Variants in PLEKHA7 observed in about 807,000 individuals in gnomAD.
PLEKHA7 encodes pleckstrin homology domain-containing family A member 7.
In PLEKHA7, 104 loss-of-function variants were observed where a neutral mutation model predicts 170.0. That is an observed-to-expected ratio of 0.61 (90% CI 0.52 to 0.72). PLEKHA7 has a LOEUF of 0.72. Ranked by LOEUF, PLEKHA7 falls within the 30% of genes least tolerant of loss-of-function variation. The pLI, the probability that PLEKHA7 is intolerant of heterozygous loss-of-function variation, is 0.00. For synonymous variants in PLEKHA7, 648 were observed against 660.8 expected (o/e 0.98, Z 0.30); for missense variants, 1,615 against 1,671.7 (o/e 0.97, Z 0.59).
At chr11:16,893,103 T>C (rs190452846) in intron 3 of PLEKHA7, among the ~76,000 whole-genome samples, 2 of 152,380 alleles carry the variant, frequency 1.3e-5, no homozygotes, top group African/African-American at 4.8e-5. Flanking sequence ...GAGTAACTGC[T>C]TGTAATATTT....
chr11:16,962,358 G>A (rs1862115139), intron 3 of PLEKHA7, among the ~76,000 whole-genome samples: 1 of 152,182 alleles, frequency 6.6e-6, no homozygotes, highest in Non-Finnish European at 1.5e-5. Context: ...AGCAGTAAGT[G>A]CCCAATATCT....
At chr11:16,829,985 T>A (rs1850980308) in intron 9 of PLEKHA7, among the ~76,000 whole-genome samples, 1 of 151,992 alleles carries the variant, frequency 6.6e-6, no homozygotes, top group Non-Finnish European at 1.5e-5. Context: ...TTCTTTTTTT[T>A]TTTCTTTTTC....
chr11:17,013,801 C>T (rs1167201644), intron 3 of PLEKHA7, among the ~76,000 whole-genome samples, 188 bp downstream of exon 3: 1 of 152,146 alleles, frequency 6.6e-6, no homozygotes, highest in Non-Finnish European at 1.5e-5. Flanking sequence ...AGGTGCGGCC[C>T]CCACCGCCTT....
chr11:16,897,378 T>C (rs1276134813), intron 3 of PLEKHA7, among the ~76,000 whole-genome samples: 4 of 151,954 alleles, frequency 2.6e-5, no homozygotes, highest in Non-Finnish European at 5.9e-5. Flanking sequence ...GCCCCATTCC[T>C]CCCCATTTTT....
At chr11:16,924,396 C>G (rs1188291337) in intron 3 of PLEKHA7, among the ~76,000 whole-genome samples, 1 of 152,174 alleles carries the variant, frequency 6.6e-6, no homozygotes, top group Admixed American at 6.5e-5. Context: ...GGTTTTCAGG[C>G]ACCATGGCTG....
At chr11:16,797,978 G>A (rs758309470) in intron 17 of PLEKHA7, among the ~76,000 whole-genome samples, 14 of 152,168 alleles carry the variant, frequency 9.2e-5, no homozygotes, top group Non-Finnish European at 1.3e-4. Context: ...GAGGGGAGGG[G>A]AATTTTGGGG....
At chr11:16,795,852 T>C (rs1220290784) in intron 17 of PLEKHA7, among the ~76,000 whole-genome samples, 1 of 35,086 alleles carries the variant, frequency 2.9e-5, no homozygotes, top group Non-Finnish European at 7.3e-5. Flanking sequence ...AGTTTTTTCC[T>C]TTTTTTTTTT....
At chr11:16,928,026 C>T (rs2136304301) in intron 3 of PLEKHA7, among the ~76,000 whole-genome samples, 1 of 152,226 alleles carries the variant, frequency 6.6e-6, no homozygotes, top group South Asian at 2.1e-4. Flanking sequence ...GTGGTAAGCA[C>T]CTGTGTTTAT....
intron 3 of PLEKHA7, among the ~76,000 whole-genome samples, chr11:16,888,401 C>T (rs74901077): frequency 8.1e-5 from 12 of 149,064 alleles, no homozygotes; most frequent in South Asian, 2.1e-4. Context: ...GTTGAGTAGA[C>T]GGGGGGGAAA....
chr11:17,006,917 C>T (rs1252649798), intron 3 of PLEKHA7, among the ~76,000 whole-genome samples: 1 of 152,240 alleles, frequency 6.6e-6, no homozygotes, highest in Non-Finnish European at 1.5e-5. Context: ...CCTTCACTCT[C>T]CAACTCCCTT....
At chr11:16,787,635 C>T (rs1245016527) in intron 23 of PLEKHA7, 1 of 152,130 alleles carries the variant, frequency 6.6e-6, no homozygotes, top group Non-Finnish European at 1.5e-5. Flanking sequence ...TATAAGGTAT[C>T]CTGGGGAAGA....
intron 10 of PLEKHA7, among the ~76,000 whole-genome samples, chr11:16,820,730 C>A (rs1403800676): frequency 6.6e-6 from 1 of 152,242 alleles, no homozygotes; most frequent in African/African-American, 2.4e-5. Flanking sequence ...GCCTACAGTG[C>A]CTGGAAGGTC....
chr11:16,869,692 A>G (rs1306236247), intron 4 of PLEKHA7, among the ~76,000 whole-genome samples: 1 of 152,236 alleles, frequency 6.6e-6, no homozygotes, highest in Non-Finnish European at 1.5e-5. Context: ...ATAAAATAAA[A>G]TTAGCCATGT....
intron 3 of PLEKHA7, among the ~76,000 whole-genome samples, chr11:17,005,546 AAGAG>A (rs769946288): frequency 6.6e-6 from 1 of 151,614 alleles, no homozygotes; most frequent in African/African-American, 2.4e-5. Context: ...CAAAAAAAGA[AAGAG>A]AGAGAGAGAG....
At chr11:16,970,176 A>C (rs1452379109) in intron 3 of PLEKHA7, among the ~76,000 whole-genome samples, 1 of 152,226 alleles carries the variant, frequency 6.6e-6, no homozygotes, top group African/African-American at 2.4e-5. Flanking sequence ...ACAACAAAAC[A>C]GATGAATCTG....
chr11:17,006,818 G>A (rs1469124935), intron 3 of PLEKHA7, among the ~76,000 whole-genome samples: 1 of 152,102 alleles, frequency 6.6e-6, no homozygotes, highest in Non-Finnish European at 1.5e-5. Flanking sequence ...AGCCTCCTGG[G>A]CTGTCCAGTA....
rs1849396252 is a variant in PLEKHA7 at position 16,786,397 on chromosome 11, GA to G, written c.3358-11del. ...CCTGCTCACGCTTCCACTGGCAACAGAACAAGAGGTTAAACGTAGTCGCTTC... is the reference window on the plus strand; with the variant it reads ...CCTGCTCACGCTTCCACTGGCAACAGACAAGAGGTTAAACGTAGTCGCTTC... On this transcript the variant is annotated splice_polypyrimidine_tract_variant and intron_variant, in intron 23 of 26. Transcript: ENST00000531066. The G allele has an allele frequency of 6.5e-7, 1 of 1,535,994 alleles. No individual in the cohort carries two copies. The highest frequency in any genetic ancestry group is 1.4e-5 in the African/African-American group (1 of 73,046).
At chr11:16,875,457 TTTTG>T (rs1341574056) in intron 3 of PLEKHA7, among the ~76,000 whole-genome samples, 4 of 145,798 alleles carry the variant, frequency 2.7e-5, no homozygotes, top group Non-Finnish European at 4.6e-5. Flanking sequence ...TTTTTTTTTC[TTTTG>T]TTTGAGACAA....
chr11:16,908,913 G>A (rs1858054842), intron 3 of PLEKHA7, among the ~76,000 whole-genome samples: 1 of 152,196 alleles, frequency 6.6e-6, no homozygotes, highest in Non-Finnish European at 1.5e-5. Context: ...AGAGGAGCAG[G>A]CAGGTGGGGT....
Sources: gnomAD v4.1 joint callset for allele counts (sites outside exome capture counted in the v4.1 genomes callset) on GRCh38, gnomAD v4.1.1 for gene constraint, MANE v1.5 for transcripts, NCBI Gene and HGNC (gene_info 2026-07-23, HGNC 2026-07-21) for gene names.